Variants in RFTN1 observed in about 807,000 individuals in gnomAD.
RFTN1 encodes raftlin, lipid raft linker 1.
A neutral mutation model predicts 46.5 loss-of-function variants in RFTN1; 26 were observed. The ratio of observed to expected loss-of-function variants is 0.56; its 90% CI spans 0.41 to 0.78. The LOEUF (loss-of-function observed/expected upper bound fraction) is 0.78. Ranked by LOEUF, RFTN1 falls within the 30% of genes least tolerant of loss-of-function variation. RFTN1 has a pLI of 0.00. For synonymous variants in RFTN1, 261 were observed against 284.2 expected, an observed-to-expected ratio of 0.92 and a Z score of 0.82; for missense variants, 693 against 718.7, an observed-to-expected ratio of 0.96 and a Z score of 0.41.
chr3:16,355,814 A>G (rs1376097110), intron 7 of RFTN1, among the ~76,000 whole-genome samples: 1 of 152,220 alleles, frequency 6.6e-6, no homozygotes, highest in Non-Finnish European at 1.5e-5. Context: ...TCCTGCAGTC[A>G]CATTAATTTT....
chr3:16,316,369 C>T lies in RFTN1; in HGVS notation c.*459G>A, dbSNP rs367603780. ...GTGGAGGAGGGCAGCTGACAGGGCT[C>T]CTGGAGTTGTTAAGTCACCAAGTAG... is the stretch of plus-strand genomic sequence containing the variant. On this transcript the variant is annotated 3_prime_UTR_variant, in exon 10 of 10. Coordinates refer to ENST00000334133, the MANE Select transcript of RFTN1 (RefSeq NM_015150.2). The surrounding 1 kb of genome is among the most constrained non-coding windows in gnomAD (Gnocchi z 4.5). 2 of 194,432 alleles carry T rather than the reference C, an allele frequency of 1.0e-5. No individual in the cohort carries two copies. Among genetic ancestry groups the T allele is most frequent in the East Asian group, 1.8e-4 (1 of 5,490 alleles). 12.0% of individuals were successfully genotyped at this position (194,432 alleles called of 1,614,324 possible).
Position 16,352,211 on chromosome 3 carries a change from A to G in RFTN1, c.1146+5721T>C, listed in dbSNP as rs1177979044. Among the ~76,000 whole-genome samples the G allele has an allele frequency of 6.6e-6, 1 of 152,238 alleles. No individual in the cohort carries two copies. The highest frequency in any genetic ancestry group is 1.5e-5 in the Non-Finnish European group (1 of 68,038). On this transcript the variant is annotated intron_variant, in intron 7 of 9. Coordinates refer to ENST00000334133, the MANE Select transcript of RFTN1 (RefSeq NM_015150.2). This position sits in a 1 kb window ranked among gnomAD's most constrained non-coding sequence, Gnocchi z 4.6. ...TCTCTTATGTTCCATTCTGGCACCA[A>G]ATTTCACGATAAGCACTGATATGCT...
intron 3 of RFTN1, among the ~76,000 whole-genome samples, chr3:16,409,816 C>T (rs2074945517): frequency 6.6e-6 from 1 of 151,768 alleles, no homozygotes; most frequent in South Asian, 2.1e-4. Flanking sequence ...TCCCCAGTAG[C>T]TGGGACTACA....
chr3:16,422,995 T>C lies in RFTN1; in HGVS notation c.332+10856A>G, dbSNP rs1462866620. 6.6e-6 allele frequency among the ~76,000 whole-genome samples: 1 copy of C among 150,604 alleles called. No individual in the cohort carries two copies. Among genetic ancestry groups the C allele is most frequent in the East Asian group, 1.9e-4 (1 of 5,132 alleles). The stretch of plus-strand genomic sequence containing the variant: ...TCCTGGCTAACACAGTGAAACCCCA[T>C]CTCTACAAAAAATACAAAAAAAATT... On this transcript the variant is annotated intron_variant, in intron 3 of 9. Coordinates refer to ENST00000334133, the MANE Select transcript of RFTN1 (RefSeq NM_015150.2). The surrounding 1 kb of genome is among the most constrained non-coding windows in gnomAD (Gnocchi z 4.6).
intron 2 of RFTN1, among the ~76,000 whole-genome samples, chr3:16,463,904 T>G (rs17042300): frequency 0.047 from 7,134 of 152,204 alleles, 304 homozygotes; most frequent in East Asian, 0.2. Flanking sequence ...AAGACTCAGG[T>G]TGCTCCTGGC....
chr3:16,374,769 A>G lies in RFTN1; in HGVS notation c.826+2949T>C, dbSNP rs1293517746. Reference sequence around the variant, plus strand: ...TGTCCCTGCACAGGCTCAGGTGATCACGGCACAGCACGGACCTCCAACCAA... The same window carrying G: ...TGTCCCTGCACAGGCTCAGGTGATCGCGGCACAGCACGGACCTCCAACCAA... On this transcript the variant is annotated intron_variant, in intron 5 of 9. Coordinates refer to ENST00000334133, the MANE Select transcript of RFTN1 (RefSeq NM_015150.2). This position sits in a 1 kb window ranked among gnomAD's most constrained non-coding sequence, Gnocchi z 5.4. Among the ~76,000 whole-genome samples the G allele has an allele frequency of 6.6e-6, 1 of 152,194 alleles. No individual in the cohort carries two copies. The highest frequency in any genetic ancestry group is 1.5e-5 in the Non-Finnish European group (1 of 68,034).
At chr3:16,324,735 C>T (rs1178619280) in intron 8 of RFTN1, among the ~76,000 whole-genome samples, 1 of 143,572 alleles carries the variant, frequency 7.0e-6, no homozygotes, top group Non-Finnish European at 1.5e-5. Flanking sequence ...TGAGGGACAC[C>T]TAAGTTGTTT....
At position 16,427,814 on chromosome 3, in the gene RFTN1, C is replaced by T. The variant is rs1325819961; in HGVS notation, c.332+6037G>A. On this transcript the variant is annotated intron_variant, in intron 3 of 9. Coordinates refer to ENST00000334133, the MANE Select transcript of RFTN1 (RefSeq NM_015150.2). This position sits in a 1 kb window ranked among gnomAD's most constrained non-coding sequence, Gnocchi z 5.4. Reference sequence around the variant, plus strand: ...CCTCCCACTGTTTCTCTTTGGACACCACGTTCCACTTGTTCCACAATGTCA... The same window carrying T: ...CCTCCCACTGTTTCTCTTTGGACACTACGTTCCACTTGTTCCACAATGTCA... 9.9e-5 allele frequency among the ~76,000 whole-genome samples: 15 copies of T among 152,258 alleles called. No homozygotes were observed. The East Asian group carries it at 2.9e-3, about 29-fold the overall frequency.
chr3:16,318,728 TTC>T (rs1443245087), intron 9 of RFTN1, among the ~76,000 whole-genome samples: 1 of 152,196 alleles, frequency 6.6e-6, no homozygotes, highest in African/African-American at 2.4e-5. Context: ...ATCTGGTCCT[TTC>T]CCACCCTGTA....
At chr3:16,503,284 C>T (rs976887938) in intron 1 of RFTN1, among the ~76,000 whole-genome samples, 5 of 152,134 alleles carry the variant, frequency 3.3e-5, no homozygotes, top group African/African-American at 9.7e-5. Context: ...GGATCCCAGG[C>T]CCCATCCCAG....
At chr3:16,477,893 G>C (rs2076308344) in intron 2 of RFTN1, among the ~76,000 whole-genome samples, 1 of 152,220 alleles carries the variant, frequency 6.6e-6, no homozygotes, top group African/African-American at 2.4e-5. Flanking sequence ...AATTTAATCT[G>C]AGAAGTGATG....
At position 16,354,838 on chromosome 3, in the gene RFTN1, C is replaced by T. The variant is rs180913318; in HGVS notation, c.1146+3094G>A. On this transcript the variant is annotated intron_variant, in intron 7 of 9. Coordinates refer to ENST00000334133, the MANE Select transcript of RFTN1 (RefSeq NM_015150.2). ...GAACAGCTACACTGCACCCTGAACA[C>T]TTTGCTTAGTGATTTCTTCCACCAA... Among the ~76,000 whole-genome samples, 57 of 152,368 alleles carry T rather than the reference C, an allele frequency of 3.7e-4. 1 individual carries two copies. Among genetic ancestry groups the T allele is most frequent in the Non-Finnish European group, 5.1e-4 (35 of 68,040 alleles).
chr3:16,356,496 C>G lies in RFTN1; in HGVS notation c.1146+1436G>C, dbSNP rs908736815. Among the ~76,000 whole-genome samples the G allele has an allele frequency of 1.6e-5, 1 of 62,440 alleles. No homozygotes were observed. The highest frequency in any genetic ancestry group is 4.0e-5 in the African/African-American group (1 of 24,994). The allele number at this position is 62,440 out of a possible 152,430, so 41.0% of individuals were successfully genotyped here. A position where few individuals can be genotyped will look rare whatever the true frequency, so the allele number is the denominator to read the frequency against. On this transcript the variant is annotated intron_variant, in intron 7 of 9. Transcript: ENST00000334133. The surrounding 1 kb of genome is among the most constrained non-coding windows in gnomAD (Gnocchi z 4.9). ...ATCCCTGTTCAGACGCAGGTATGCC[C>G]CCCAACAGCCTTGCTCCTCACTTCA... is the stretch of plus-strand genomic sequence containing the variant.
chr3:16,386,634 T>C (rs1170047394), intron 4 of RFTN1, among the ~76,000 whole-genome samples: 1 of 152,240 alleles, frequency 6.6e-6, no homozygotes, highest in African/African-American at 2.4e-5. Context: ...CTTGCATCTT[T>C]AGAGTCTGGA....
intron 2 of RFTN1, among the ~76,000 whole-genome samples, chr3:16,445,428 T>A (rs1402497967): frequency 6.6e-6 from 1 of 151,662 alleles, no homozygotes; most frequent in Non-Finnish European, 1.5e-5. Context: ...CCCCACTCTG[T>A]CTCTCTCTCT....
Position 16,480,581 on chromosome 3 carries a change from T to A in RFTN1, c.145+13144A>T, listed in dbSNP as rs1413571150. ...AGACTTAATGACAGTGGCATGCAAC[T>A]TGAGGCCAGAATCACCTACCTTTTC... On this transcript the variant is annotated intron_variant, in intron 2 of 9. Transcript: ENST00000334133. The surrounding 1 kb of genome is among the most constrained non-coding windows in gnomAD (Gnocchi z 4.3). Among the ~76,000 whole-genome samples the A allele has an allele frequency of 6.6e-6, 1 of 152,186 alleles. No homozygotes were observed. Among genetic ancestry groups the A allele is most frequent in the Non-Finnish European group, 1.5e-5 (1 of 68,032 alleles).
chr3:16,438,073 A>T (rs2075550218), intron 2 of RFTN1, among the ~76,000 whole-genome samples: 1 of 152,114 alleles, frequency 6.6e-6, no homozygotes, highest in African/African-American at 2.4e-5. Flanking sequence ...CTATATACAA[A>T]CAGCATCTGT....
rs560967579 is a variant in RFTN1 at position 16,468,196 on chromosome 3, C to T, written c.145+25529G>A. 4.6e-5 allele frequency among the ~76,000 whole-genome samples: 7 copies of T among 152,314 alleles called. No individual in the cohort carries two copies. The highest frequency in any genetic ancestry group is 4.1e-4 in the South Asian group (2 of 4,826). ...AGCACACTTCACTCTCTAGAAATTCCGTCGGCTTAATTTATGTGGCTCATT... is the reference window on the plus strand; with the variant it reads ...AGCACACTTCACTCTCTAGAAATTCTGTCGGCTTAATTTATGTGGCTCATT... On this transcript the variant is annotated intron_variant, in intron 2 of 9. Transcript: ENST00000334133. The surrounding 1 kb of genome is among the most constrained non-coding windows in gnomAD (Gnocchi z 4.4).
chr3:16,417,898 G>A (rs1427036585), intron 3 of RFTN1, among the ~76,000 whole-genome samples: 1 of 152,132 alleles, frequency 6.6e-6, no homozygotes, highest in African/African-American at 2.4e-5. Flanking sequence ...TATAGAGACA[G>A]GGTTTTGCCA....
Sources: gnomAD v4.1 joint callset for allele counts (sites outside exome capture counted in the v4.1 genomes callset) on GRCh38, gnomAD v4.1.1 for gene constraint, Gnocchi (gnomAD v3.1) non-coding constraint, MANE v1.5 for transcripts, NCBI Gene and HGNC (gene_info 2026-07-23, HGNC 2026-07-21) for gene names.